The following RAPGEF6 variants were observed in gnomAD, a reference collection of about 807,000 sequenced individuals.
RAPGEF6 encodes the protein PDZ domain containing guanine nucleotide exchange factor (GEF) 2.
In RAPGEF6, 56 loss-of-function variants were observed where a neutral mutation model predicts 171.4. The ratio of observed to expected loss-of-function variants is 0.33; its 90% confidence interval spans 0.26 to 0.41. The LOEUF is 0.41. Ranked by LOEUF, RAPGEF6 falls within the 10% of genes least tolerant of loss-of-function variation. The pLI, the probability that RAPGEF6 is intolerant of heterozygous loss-of-function variation, is 1.00. For synonymous variants in RAPGEF6, 692 were observed against 650.1 expected (o/e 1.06, Z -0.98); for missense variants, 1,674 against 1,921.4 (o/e 0.87, Z 2.41).
intron 19 of RAPGEF6, among the ~76,000 whole-genome samples, chr5:131,457,957 G>A (rs1351144071): frequency 6.6e-6 from 1 of 152,124 alleles, no homozygotes; most frequent in East Asian, 1.9e-4. Context: ...ATTATTAGAA[G>A]CATGAAGAAT....
At chr5:131,469,253 C>CAA (rs1754583607) in intron 17 of RAPGEF6, among the ~76,000 whole-genome samples, 1 of 152,104 alleles carries the variant, frequency 6.6e-6, no homozygotes, top group African/African-American at 2.4e-5. Flanking sequence ...GAAGGATATA[C>CAA]AAGTAAATAA....
intron 11 of RAPGEF6, among the ~76,000 whole-genome samples, chr5:131,503,170 AGT>A (rs1023302794): frequency 2.6e-5 from 4 of 152,092 alleles, no homozygotes; most frequent in Non-Finnish European, 4.4e-5. Context: ...TATGTCAGAG[AGT>A]GTCCTTGTTT....
At chr5:131,429,478 C>T (rs1022074645) in intron 26 of RAPGEF6, among the ~76,000 whole-genome samples, 10 of 152,132 alleles carry the variant, frequency 6.6e-5, no homozygotes, top group Non-Finnish European at 1.2e-4. Flanking sequence ...GACAAGCTTC[C>T]TTCTGCAATT....
chr5:131,604,610 G>C lies in RAPGEF6; in HGVS notation c.140+13C>G. On this transcript the variant is annotated intron_variant, in intron 2 of 27. Transcript: ENST00000509018. ...TATACAGCGTGTGCTCTTAAATACA[G>C]AACGACACTTACCTAAGCTGATGTT... 1 of 1,610,174 alleles carries C rather than the reference G, an allele frequency of 6.2e-7. No individual in the cohort carries two copies. Among genetic ancestry groups the C allele is most frequent in the South Asian group, 1.1e-5 (1 of 90,452 alleles).
rs114886003 is a variant in RAPGEF6 at position 131,479,650 on chromosome 5, C to A, written c.1944G>T (p.Val648=). ...GTGATGTCTGTTCAATATCTCCTGGCACATGCTGGATAGAATGGCGATTAC... is the reference window on the plus strand; with the variant it reads ...GTGATGTCTGTTCAATATCTCCTGGAACATGCTGGATAGAATGGCGATTAC... ...KKSNRHSIQH[V]PGDIEQTSQE... Residue 648 remains valine (V), a synonymous_variant, in exon 16 of 28, where the codon GTG becomes GTT. Transcript: ENST00000509018. 670 of 1,613,988 alleles carry A rather than the reference C, an allele frequency of 4.2e-4. 2 individuals are homozygous for A. The highest frequency in any genetic ancestry group is 2.7e-3 in the South Asian group (245 of 91,072).
intron 18 of RAPGEF6, 85 bp downstream of exon 18, chr5:131,463,956 T>A (rs1357081687): frequency 1.3e-6 from 2 of 1,493,486 alleles, no homozygotes; most frequent in Admixed American, 2.3e-5. Context: ...AACATGATAA[T>A]GTTTCTACTT....
chr5:131,460,605 T>C (rs1753854195), intron 19 of RAPGEF6, among the ~76,000 whole-genome samples: 1 of 152,144 alleles, frequency 6.6e-6, no homozygotes, highest in African/African-American at 2.4e-5. Context: ...GTGATATAGG[T>C]GGTATTTTAC....
chr5:131,567,928 T>C (rs1011668033), intron 4 of RAPGEF6, among the ~76,000 whole-genome samples: 5 of 152,226 alleles, frequency 3.3e-5, no homozygotes, highest in Non-Finnish European at 7.3e-5. Flanking sequence ...ATTAATCCTT[T>C]TAACACTACG....
At chr5:131,508,494 CTAAT>C (rs1212649028) in intron 8 of RAPGEF6, among the ~76,000 whole-genome samples, 2 of 152,192 alleles carry the variant, frequency 1.3e-5, no homozygotes, top group Non-Finnish European at 2.9e-5. Context: ...GAGCGTTTAT[CTAAT>C]ATTCCTAGCC....
intron 4 of RAPGEF6, among the ~76,000 whole-genome samples, chr5:131,562,933 G>C (rs779294055): frequency 1.1e-4 from 16 of 151,818 alleles, no homozygotes; most frequent in Non-Finnish European, 1.9e-4. Context: ...ACTAAAGCTG[G>C]ACCAGTACTA....
intron 11 of RAPGEF6, among the ~76,000 whole-genome samples, chr5:131,500,769 T>C (rs1006511105): frequency 6.6e-6 from 1 of 152,156 alleles, no homozygotes; most frequent in Non-Finnish European, 1.5e-5. Context: ...AACTATCGCC[T>C]TGTCTTTCTC....
intron 19 of RAPGEF6, among the ~76,000 whole-genome samples, chr5:131,461,368 G>A (rs1033022689): frequency 6.7e-6 from 1 of 149,570 alleles, no homozygotes; most frequent in African/African-American, 2.5e-5. Flanking sequence ...AAAAAGCACA[G>A]TACAGAAGTC....
chr5:131,451,378 G>A (rs1753058236), intron 21 of RAPGEF6, among the ~76,000 whole-genome samples: 1 of 151,422 alleles, frequency 6.6e-6, no homozygotes, highest in Admixed American at 6.6e-5. Flanking sequence ...GAGTCCAGGA[G>A]TTCAAGACCA....
At chr5:131,549,718 T>C (rs1015600364) in intron 5 of RAPGEF6, among the ~76,000 whole-genome samples, 3 of 152,044 alleles carry the variant, frequency 2.0e-5, no homozygotes, top group Non-Finnish European at 2.9e-5. Flanking sequence ...GTCTCTCTCT[T>C]TTTTTTAACT....
chr5:131,568,932 T>C (rs910613794), intron 4 of RAPGEF6, among the ~76,000 whole-genome samples: 15 of 152,206 alleles, frequency 9.9e-5, no homozygotes, highest in African/African-American at 3.6e-4. Flanking sequence ...TGTATTTCTA[T>C]ATACTAGCAA....
intron 4 of RAPGEF6, among the ~76,000 whole-genome samples, chr5:131,579,050 C>T (rs1490528768): frequency 6.6e-6 from 1 of 152,132 alleles, no homozygotes; most frequent in Non-Finnish European, 1.5e-5. Flanking sequence ...GATGTTCGGA[C>T]GTGTTTGGAG....
intron 3 of RAPGEF6, among the ~76,000 whole-genome samples, chr5:131,595,807 T>C (rs964331413): frequency 6.6e-6 from 1 of 151,156 alleles, no homozygotes; most frequent in Admixed American, 6.6e-5. Context: ...AAAACCCAAA[T>C]GTATGCTGCG....
chr5:131,606,719 A>G (rs758578378), intron 1 of RAPGEF6, among the ~76,000 whole-genome samples: 2 of 152,176 alleles, frequency 1.3e-5, no homozygotes, highest in Non-Finnish European at 2.9e-5. Flanking sequence ...ACTTGTTCTG[A>G]CCAAAAGAAT....
rs564534340 is a variant in RAPGEF6 at position 131,593,648 on chromosome 5, G to A, written c.198-1182C>T. On this transcript the variant is annotated intron_variant, in intron 3 of 27. Transcript: ENST00000509018. ...TGAGGTGATCTCAGATGGAGATGAG[G>A]AACTTACTGGAAACTGGAGTAAAGG... 7.9e-5 allele frequency among the ~76,000 whole-genome samples: 12 copies of A among 152,306 alleles called. No homozygotes were observed. The South Asian group carries it at 2.5e-3, about 32-fold the overall frequency.
Sources: allele counts gnomAD v4.1 joint callset (sites outside exome capture counted in the v4.1 genomes callset), GRCh38; gene constraint gnomAD v4.1.1; transcripts MANE v1.5; gene names NCBI Gene and HGNC (gene_info 2026-07-23, HGNC 2026-07-21).